The following PRKG1 variants were observed in gnomAD, a reference collection of about 807,000 sequenced individuals.
The protein encoded by PRKG1 is protein kinase cGMP-dependent 1, also known as cGMP-dependent protein kinase 1.
PRKG1 carries 35 observed loss-of-function variants against 88.1 expected under a neutral mutation model. The observed-to-expected ratio is 0.40, with a 90% CI of 0.30 to 0.53. PRKG1 has a LOEUF of 0.53. Ranked by LOEUF, PRKG1 falls within the 20% of genes least tolerant of loss-of-function variation. The probability of loss-of-function intolerance (pLI) is 0.59; values close to 1 mark genes in which losing one functional copy is unlikely to be tolerated. For missense variants in PRKG1, 540 were observed against 839.8 expected, an observed-to-expected ratio of 0.64 and a Z score of 4.41; for synonymous variants, 303 against 292.5, an observed-to-expected ratio of 1.04 and a Z score of -0.37.
intron 2 of PRKG1, among the ~76,000 whole-genome samples, chr10:51,398,411 T>G (rs1837639382): frequency 6.6e-6 from 1 of 152,152 alleles, no homozygotes; most frequent in Non-Finnish European, 1.5e-5. Flanking sequence ...GCTGCTCACC[T>G]CCTGCTGTGT....
intron 4 of PRKG1, among the ~76,000 whole-genome samples, chr10:51,858,136 AC>A (rs1301691905): frequency 1.1e-4 from 3 of 26,904 alleles, no homozygotes; most frequent in African/African-American, 7.1e-4. Context: ...TTATATATAT[AC>A]ATATTATACA....
At chr10:51,153,702 ACT>A (rs1249258989) in intron 2 of PRKG1, among the ~76,000 whole-genome samples, 2 of 151,814 alleles carry the variant, frequency 1.3e-5, no homozygotes, top group African/African-American at 2.4e-5. Flanking sequence ...AGCATCTTCA[ACT>A]CTCCCCTTAA....
intron 2 of PRKG1, among the ~76,000 whole-genome samples, chr10:51,171,492 T>C (rs1416297873): frequency 6.6e-6 from 1 of 152,094 alleles, no homozygotes; most frequent in Non-Finnish European, 1.5e-5. Context: ...CTGTTGTCTT[T>C]TCTACATGGT....
At position 51,092,529 on chromosome 10, in the gene PRKG1, C is replaced by T. The variant is rs189203183; in HGVS notation, c.311+17628C>T. 2.1e-3 allele frequency among the ~76,000 whole-genome samples: 319 copies of T among 152,308 alleles called. 5 individuals are homozygous for T. Among genetic ancestry groups the T allele is most frequent in the East Asian group, 1.5e-3 (8 of 5,178 alleles). On this transcript the variant is annotated intron_variant, in intron 1 of 17. Transcript: ENST00000373980. ...TTGTCTCACTAAGGATCCTGGCTTGCTAACTGGCTGGCTGTGTTCCCCAGA... is the reference window on the plus strand; with the variant it reads ...TTGTCTCACTAAGGATCCTGGCTTGTTAACTGGCTGGCTGTGTTCCCCAGA...
chr10:52,054,713 G>A, intron 6 of PRKG1, 152 bp downstream of exon 6: 1 of 573,850 alleles, frequency 1.7e-6, no homozygotes, highest in South Asian at 3.4e-5. Context: ...TACAAAAAAT[G>A]ATGCAGGAGG....
intron 7 of PRKG1, among the ~76,000 whole-genome samples, chr10:52,077,539 GA>G (rs1846661219): frequency 2.0e-5 from 3 of 152,138 alleles, no homozygotes; most frequent in Admixed American, 2.0e-4. Context: ...ACAGTAATTA[GA>G]ATGTCTGCAA....
At chr10:52,194,553 A>G (rs1839456869) in intron 9 of PRKG1, among the ~76,000 whole-genome samples, 1 of 152,192 alleles carries the variant, frequency 6.6e-6, no homozygotes, top group African/African-American at 2.4e-5. Flanking sequence ...TCACCATGTA[A>G]GGTAAAACAC....
At chr10:51,266,461 G>A (rs985777494) in intron 2 of PRKG1, among the ~76,000 whole-genome samples, 1 of 152,202 alleles carries the variant, frequency 6.6e-6, no homozygotes, top group African/African-American at 2.4e-5. Context: ...ATCTGTATAA[G>A]TGTTAGAGAA....
At chr10:51,734,490 G>A (rs1837212639) in intron 3 of PRKG1, among the ~76,000 whole-genome samples, 3 of 151,996 alleles carry the variant, frequency 2.0e-5, no homozygotes, top group Non-Finnish European at 4.4e-5. Context: ...GTTGAATAAG[G>A]AACTGAATTT....
intron 4 of PRKG1, among the ~76,000 whole-genome samples, chr10:51,813,569 G>A (rs537587476): frequency 1.3e-5 from 2 of 152,104 alleles, no homozygotes; most frequent in African/African-American, 2.4e-5. Flanking sequence ...CATTTTACAG[G>A]TAAGAATACT....
chr10:51,918,334 T>TTTTTTTTA (rs1491224518), intron 5 of PRKG1, among the ~76,000 whole-genome samples: 2 of 30,264 alleles, frequency 6.6e-5, no homozygotes, highest in Admixed American at 2.4e-4. Flanking sequence ...ACTTGACTTA[T>TTTTTTTTA]TTTTTTTTTA....
At chr10:51,865,157 T>A (rs1043734457) in intron 4 of PRKG1, among the ~76,000 whole-genome samples, 4 of 152,094 alleles carry the variant, frequency 2.6e-5, no homozygotes, top group African/African-American at 9.7e-5. Context: ...ATCTAATCAT[T>A]AAAGATGCGT....
intron 3 of PRKG1, among the ~76,000 whole-genome samples, chr10:51,651,328 C>T (rs1052657788): frequency 6.6e-6 from 1 of 152,074 alleles, no homozygotes; most frequent in Non-Finnish European, 1.5e-5. Flanking sequence ...ACTCAGTCCT[C>T]CTCTGACACA....
chr10:51,549,855 C>T (rs1842537983), intron 3 of PRKG1, among the ~76,000 whole-genome samples: 1 of 152,108 alleles, frequency 6.6e-6, no homozygotes. Flanking sequence ...AGCAACCTAA[C>T]CAAATCTCTC....
At chr10:51,912,283 G>T (rs998677758) in intron 5 of PRKG1, among the ~76,000 whole-genome samples, 2 of 152,146 alleles carry the variant, frequency 1.3e-5, no homozygotes, top group African/African-American at 4.8e-5. Context: ...AGTTGCAGAG[G>T]GTTCTGCCAG....
At chr10:52,085,181 G>A (rs1846879914) in intron 7 of PRKG1, among the ~76,000 whole-genome samples, 1 of 151,868 alleles carries the variant, frequency 6.6e-6, no homozygotes, top group South Asian at 2.1e-4. Context: ...CTTTTCCCTT[G>A]CAACTAATAA....
At chr10:51,064,049 A>G (rs558137143) in intron 1 of PRKG1, among the ~76,000 whole-genome samples, 5 of 152,246 alleles carry the variant, frequency 3.3e-5, no homozygotes. Context: ...GTACTTTTAA[A>G]AAATGAAACA....
chr10:51,138,023 G>C (rs533050323), intron 1 of PRKG1, among the ~76,000 whole-genome samples: 2 of 152,274 alleles, frequency 1.3e-5, no homozygotes, highest in South Asian at 4.1e-4. Context: ...TGTATTGGTG[G>C]TTCCAAAAGT....
At chr10:51,465,524 C>T (rs1374289456) in intron 2 of PRKG1, among the ~76,000 whole-genome samples, 2 of 152,168 alleles carry the variant, frequency 1.3e-5, no homozygotes, top group Admixed American at 6.5e-5. Context: ...TTTGGAGTCT[C>T]TACCACTAGG....
Sources: gnomAD v4.1 joint callset for allele counts (sites outside exome capture counted in the v4.1 genomes callset) on GRCh38, gnomAD v4.1.1 for gene constraint, MANE v1.5 for transcripts, NCBI Gene and HGNC (gene_info 2026-07-23, HGNC 2026-07-21) for gene names.